Variants in SFXN4 observed in about 807,000 individuals in gnomAD.
SFXN4 encodes the protein sideroflexin-4.
A neutral mutation model predicts 54.6 loss-of-function variants in SFXN4; 48 were observed. The ratio of observed to expected loss-of-function variants is 0.88; its 90% CI spans 0.70 to 1.12. SFXN4 has a LOEUF of 1.12. SFXN4 is among the 50% of genes most tolerant of loss of function. The pLI, the probability that SFXN4 is intolerant of heterozygous loss-of-function variation, is 0.00. For missense variants in SFXN4, 383 were observed against 409.2 expected (o/e 0.94, Z 0.55); for synonymous variants, 130 against 145.5 (o/e 0.89, Z 0.77).
rs1177653324 is a variant in SFXN4 at position 119,144,456 on chromosome 10, C to G, written c.936+1780G>C. ...TGGGTGACAGAACGAGACTCCGTCTCAAAAAAAAAAAATTGCTAATATCTG... is the reference window on the plus strand; with the variant it reads ...TGGGTGACAGAACGAGACTCCGTCTGAAAAAAAAAAAATTGCTAATATCTG... On this transcript the variant is annotated intron_variant, in intron 13 of 13. Transcript: ENST00000355697. Among the ~76,000 whole-genome samples the G allele has an allele frequency of 6.5e-5, 9 of 137,892 alleles. No homozygotes were observed. In the East Asian group the frequency reaches 1.9e-3, roughly 28 times the overall value. 90.5% of individuals were successfully genotyped at this position (137,892 alleles called of 152,430 possible).
At chr10:119,157,430 C>CAA (rs35373900) in intron 9 of SFXN4, among the ~76,000 whole-genome samples, 4 of 116,118 alleles carry the variant, frequency 3.4e-5, no homozygotes, top group South Asian at 2.8e-4. Flanking sequence ...GACTGTGTCT[C>CAA]AAAAAAAAAA....
intron 13 of SFXN4, among the ~76,000 whole-genome samples, chr10:119,145,719 G>A (rs969714647): frequency 3.9e-5 from 6 of 152,076 alleles, no homozygotes; most frequent in Non-Finnish European, 5.9e-5. Flanking sequence ...TAAGCCTTCC[G>A]GTCAACAGTA....
In SFXN4 at chr10:119,165,653, G is replaced by T; in HGVS notation, c.-6C>A. The T allele has an allele frequency of 1.9e-6, 3 of 1,575,742 alleles. No individual in the cohort carries two copies. The South Asian group carries it at 3.4e-5, about 18-fold the overall frequency. ...TCCTCCTGTTCCAGGGACATTTTGC[G>T]CTGGTTAGAGTGGCCGCCGCCGCCA... On this transcript the variant is annotated 5_prime_UTR_variant, in exon 1 of 14. Coordinates refer to ENST00000355697, the MANE Select transcript of SFXN4 (RefSeq NM_213649.2).
At position 119,161,146 on chromosome 10, in the gene SFXN4, T is replaced by C. The variant is rs190481760; in HGVS notation, c.253-65A>G. 3.2e-6 allele frequency: 5 copies of C among 1,545,862 alleles called. No homozygotes were observed. The African/African-American group carries it at 5.4e-5, about 17-fold the overall frequency. ...TTTTTTTTAAGAGACAAGGTCTTGC[T>C]CTGTCACCCAGGGCTGGGGTATAGT... On this transcript the variant is annotated intron_variant, in intron 3 of 13. Transcript: ENST00000355697.
In SFXN4 at chr10:119,156,772, G is replaced by A; in HGVS notation, c.538-16C>T. On this transcript the variant is annotated splice_polypyrimidine_tract_variant and intron_variant, in intron 9 of 13. Transcript: ENST00000355697. Reference sequence around the variant, plus strand: ...GAGGGATTACCTAGAAAAGAAGAGAGAAAAATCATTATTTCATGGGACTGA... The same window carrying A: ...GAGGGATTACCTAGAAAAGAAGAGAAAAAAATCATTATTTCATGGGACTGA... The A allele has an allele frequency of 1.9e-6, 3 of 1,588,022 alleles. No individual in the cohort carries two copies. Among genetic ancestry groups the A allele is most frequent in the Non-Finnish European group, 2.6e-6 (3 of 1,161,240 alleles).
rs1264560484 is a variant in SFXN4, at chr10:119,157,888, T to C, written c.454A>G (p.Asn152Asp). Residue 152 changes from asparagine (N) to aspartate (D), a missense_variant, in exon 8 of 14, where the codon AAT (asparagine) becomes GAT (aspartate). By Grantham distance (23) the Asn-to-Asp change is conservative (BLOSUM62 1). Coordinates refer to ENST00000355697, the MANE Select transcript of SFXN4 (RefSeq NM_213649.2). ...ATACTCACGTAACTTCTGTTTCCAT[T>C]GATGCTGTTGAACGCTGCCATGTAG... ...CAYMAAFNSI[N>D]GNRSYTCKPL... is the part of the protein sequence containing the mutation. The C allele has an allele frequency of 6.2e-7, 1 of 1,614,218 alleles. No homozygotes were observed. Among genetic ancestry groups the C allele is most frequent in the South Asian group, 1.1e-5 (1 of 91,088 alleles).
intron 13 of SFXN4, among the ~76,000 whole-genome samples, chr10:119,145,879 G>C (rs1846771384): frequency 6.6e-6 from 1 of 152,122 alleles, no homozygotes; most frequent in Non-Finnish European, 1.5e-5. Context: ...CTGGAGTGCA[G>C]TGGTGCAATC....
chr10:119,156,848 C>T (rs909245406), intron 9 of SFXN4, 92 bp from the exon 10 acceptor site: 1 of 890,994 alleles, frequency 1.1e-6, no homozygotes, highest in Non-Finnish European at 1.8e-6. Context: ...GACCTAGTTC[C>T]TATTACAAGT....
chr10:119,163,486 C>G (rs916269068), intron 2 of SFXN4, among the ~76,000 whole-genome samples: 1 of 152,118 alleles, frequency 6.6e-6, no homozygotes, highest in African/African-American at 2.4e-5. Context: ...CAACCTCCAC[C>G]TCCTGGGTTC....
At position 119,157,919 on chromosome 10, in the gene SFXN4, G is replaced by C. The variant is rs757774043; in HGVS notation, c.423C>G (p.Leu141=). ...TGTTGAACGCTGCCATGTAGGCACA[G>C]AGGAAAACCTGCCGAGAGGGGCAAA... ...IKSVILPQVF[L]CAYMAAFNSI... Residue 141 remains leucine, a synonymous_variant, in exon 8 of 14, where the codon CTC becomes CTG. Transcript: ENST00000355697. 1 of 1,614,238 alleles carries C rather than the reference G, an allele frequency of 6.2e-7. No individual in the cohort carries two copies. Among genetic ancestry groups the C allele is most frequent in the South Asian group, 1.1e-5 (1 of 91,090 alleles).
intron 13 of SFXN4, among the ~76,000 whole-genome samples, chr10:119,143,508 ATTT>A (rs1397290617): frequency 6.6e-6 from 1 of 151,018 alleles, no homozygotes; most frequent in Non-Finnish European, 1.5e-5. Flanking sequence ...GCTAATTATT[ATTT>A]TTTCTTTTTA....
chr10:119,142,099 G>A (rs1846552791), intron 13 of SFXN4, among the ~76,000 whole-genome samples: 1 of 152,106 alleles, frequency 6.6e-6, no homozygotes, highest in South Asian at 2.1e-4. Flanking sequence ...TACTTGGGGG[G>A]CTGAGGTCAG....
In SFXN4 at chr10:119,146,353, C is replaced by T; in HGVS notation, c.819G>A (p.Arg273=). The part of the protein sequence containing the change: ...IPEVFTYFFK[R]TQYFRKNPGS... Reference sequence around the variant, plus strand: ...CTGGGTTTTTCCTGAAATACTGGGTCCTGTAAGAGACAAGGCATGGCTCAC... The same window carrying T: ...CTGGGTTTTTCCTGAAATACTGGGTTCTGTAAGAGACAAGGCATGGCTCAC... The change falls in exon 13 of 14, where the codon AGG becomes AGA. Residue 273 remains arginine (R), a splice_region_variant and synonymous_variant. Transcript: ENST00000355697. 1 of 1,582,382 alleles carries T rather than the reference C, an allele frequency of 6.3e-7. No homozygotes were observed. Among genetic ancestry groups the T allele is most frequent in the Admixed American group, 1.7e-5 (1 of 59,554 alleles).
chr10:119,163,815 G>A (rs1184822672), intron 2 of SFXN4, among the ~76,000 whole-genome samples: 1 of 151,910 alleles, frequency 6.6e-6, no homozygotes, highest in Non-Finnish European at 1.5e-5. Context: ...GGACACGTGG[G>A]CAGGGCCTGA....
intron 13 of SFXN4, among the ~76,000 whole-genome samples, chr10:119,144,926 C>T (rs1280220248): frequency 6.6e-6 from 1 of 152,098 alleles, no homozygotes; most frequent in Non-Finnish European, 1.5e-5. Flanking sequence ...CAGAAAGTTC[C>T]ACTGGAGAGG....
At chr10:119,155,650 G>A (rs984481758) in intron 10 of SFXN4, among the ~76,000 whole-genome samples, 10 of 151,946 alleles carry the variant, frequency 6.6e-5, no homozygotes, top group South Asian at 4.2e-4. Context: ...GCCCCACCAC[G>A]CCCGGCTAAT....
intron 13 of SFXN4, among the ~76,000 whole-genome samples, chr10:119,143,701 G>T (rs11198803): frequency 0.65 from 99,083 of 151,444 alleles, 33,034 homozygotes; most frequent in African/African-American, 0.77. Context: ...GGTCTTGAAC[G>T]CCGGGGCTCA....
At chr10:119,151,963 C>A (rs1847086312) in intron 11 of SFXN4, among the ~76,000 whole-genome samples, 1 of 152,000 alleles carries the variant, frequency 6.6e-6, no homozygotes, top group Non-Finnish European at 1.5e-5. Context: ...TACAGATGCA[C>A]CCCGCCATGC....
intron 13 of SFXN4, among the ~76,000 whole-genome samples, chr10:119,145,437 C>T (rs1846748072): frequency 6.6e-6 from 1 of 151,642 alleles, no homozygotes; most frequent in African/African-American, 2.4e-5. Context: ...GCCTCAGCCT[C>T]CCGAGTAGCT....
Sources: allele counts gnomAD v4.1 joint callset (sites outside exome capture counted in the v4.1 genomes callset), GRCh38; gene constraint gnomAD v4.1.1; transcripts MANE v1.5; gene names NCBI Gene and HGNC (gene_info 2026-07-23, HGNC 2026-07-21).